The following SLC6A7 variants were observed in gnomAD, a reference collection of about 807,000 sequenced individuals.
SLC6A7 encodes sodium-dependent proline transporter.
In SLC6A7, 58 loss-of-function variants were observed where a neutral mutation model predicts 73.1. The ratio of observed to expected loss-of-function variants is 0.79; its 90% CI spans 0.64 to 0.99. SLC6A7 has a LOEUF of 0.99. Ranked by LOEUF, SLC6A7 falls within the 50% of genes least tolerant of loss-of-function variation. The probability of loss-of-function intolerance (pLI) is 0.00; values close to 1 mark genes in which losing one functional copy is unlikely to be tolerated. For synonymous variants in SLC6A7, 338 were observed against 338.7 expected, an observed-to-expected ratio of 1.00 and a Z score of 0.02; for missense variants, 783 against 831.4, an observed-to-expected ratio of 0.94 and a Z score of 0.72.
intron 4 of SLC6A7, among the ~76,000 whole-genome samples, chr5:150,198,803 C>T (rs75934479): frequency 0.037 from 5,022 of 137,330 alleles, 274 homozygotes; most frequent in African/African-American, 0.14. Context: ...CATGGCCAGG[C>T]CCTGGATGGT....
chr5:150,202,787 G>C (rs1176838735), intron 8 of SLC6A7, 84 bp downstream of exon 8: 11 of 1,494,640 alleles, frequency 7.4e-6, no homozygotes, highest in Non-Finnish European at 3.6e-6. Context: ...CAAGATTATG[G>C]ATGGGGGCCA....
chr5:150,209,490 G>T lies in SLC6A7; in HGVS notation c.1786G>T (p.Ala596Ser), dbSNP rs773689353. 1.2e-6 allele frequency: 2 copies of T among 1,614,062 alleles called. No individual in the cohort carries two copies. Among genetic ancestry groups the T allele is most frequent in the Admixed American group, 1.7e-5 (1 of 60,016 alleles). The change falls in exon 14 of 14, where the codon GCT becomes TCT. Residue 596 changes from alanine to serine, a missense_variant. Transcript: ENST00000230671. ...NRTGMYVATL[A>S]GSQSPKPLMV... ...GACGGGCATGTATGTGGCCACGCTG[G>T]CTGGGAGCCAGTCACCAAAGCCACT...
chr5:150,209,807 A>C lies in SLC6A7; in HGVS notation c.*192A>C. ...TGAAACCTCTGACAACCCCCTACAC[A>C]CACACACAGGCATACTCAGACCCAC... On this transcript the variant is annotated 3_prime_UTR_variant, in exon 14 of 14. Transcript: ENST00000230671. 1 of 609,206 alleles carries C rather than the reference A, an allele frequency of 1.6e-6. No homozygotes were observed. Among genetic ancestry groups the C allele is most frequent in the Non-Finnish European group, 3.0e-6 (1 of 337,886 alleles). The allele number at this position is 609,206 out of a possible 1,614,324, so 37.7% of individuals were successfully genotyped here.
chr5:150,192,360 G>A (rs1004293268), intron 1 of SLC6A7, among the ~76,000 whole-genome samples: 1 of 152,310 alleles, frequency 6.6e-6, no homozygotes, highest in African/African-American at 2.4e-5. Context: ...CCTGCTGTGA[G>A]TCCCTAAAGG....
At chr5:150,207,553 A>G (rs566761151) in intron 13 of SLC6A7, among the ~76,000 whole-genome samples, 4 of 152,278 alleles carry the variant, frequency 2.6e-5, no homozygotes, top group Admixed American at 6.5e-5. Context: ...AGTGATACCT[A>G]CTTTTAGGCC....
At chr5:150,208,146 T>C (rs1753791396) in intron 13 of SLC6A7, among the ~76,000 whole-genome samples, 1 of 151,934 alleles carries the variant, frequency 6.6e-6, no homozygotes, top group Admixed American at 6.6e-5. Context: ...GCTTGTATTT[T>C]ATTGTGGGGG....
Position 150,209,726 on chromosome 5 carries a change from T to A in SLC6A7, c.*111T>A, listed in dbSNP as rs1033707236. 3.5e-5 allele frequency: 31 copies of A among 894,172 alleles called. No individual in the cohort carries two copies. Among genetic ancestry groups the A allele is most frequent in the Non-Finnish European group, 5.3e-5 (30 of 568,012 alleles). The allele number at this position is 894,172 out of a possible 1,614,324, so 55.4% of individuals were successfully genotyped here. On this transcript the variant is annotated 3_prime_UTR_variant, in exon 14 of 14. Transcript: ENST00000230671. ...GATTCTGAGAGGCTATGGGGGGGCC[T>A]GCCATAGGGATGCCAGTCCCCCAGT...
chr5:150,202,596 C>G lies in SLC6A7; in HGVS notation c.980C>G (p.Thr327Ser), dbSNP rs1188910200. 1 of 1,614,140 alleles carries G rather than the reference C, an allele frequency of 6.2e-7. No individual in the cohort carries two copies. The highest frequency in any genetic ancestry group is 8.5e-7 in the Non-Finnish European group (1 of 1,180,046). ...QNIYRDTFIVTLGNAITSILA... is the reference protein window; with the variant it reads ...QNIYRDTFIVSLGNAITSILA... ...TCTGGTAGAGACACTTTCATCGTCA[C>G]TCTGGGCAACGCCATCACCAGCATC... The change falls in exon 8 of 14, where the codon ACT becomes AGT. Residue 327 changes from threonine to serine, a missense_variant. Coordinates refer to ENST00000230671, the MANE Select transcript of SLC6A7 (RefSeq NM_014228.5).
chr5:150,207,522 C>T (rs1165900669), intron 13 of SLC6A7, among the ~76,000 whole-genome samples: 1 of 152,164 alleles, frequency 6.6e-6, no homozygotes, highest in African/African-American at 2.4e-5. Context: ...GATTAAGTGT[C>T]TTTGTCTTTA....
At position 150,204,634 on chromosome 5, in the gene SLC6A7, G is replaced by A. The variant is rs17652561; in HGVS notation, c.1432+3G>A. On this transcript the variant is annotated splice_donor_region_variant and intron_variant, in intron 11 of 13. Transcript: ENST00000230671. Reference sequence around the variant, plus strand: ...CCTTGCCGTGACACGGGTGTATGGTGAGAAGAGCCGTGGGAAGTGGAGTCG... The same window carrying A: ...CCTTGCCGTGACACGGGTGTATGGTAAGAAGAGCCGTGGGAAGTGGAGTCG... 393,827 of 1,600,380 alleles carry A rather than the reference G, an allele frequency of 0.25. 52,356 individuals carry two copies. Among genetic ancestry groups the A allele is most frequent in the Admixed American group, 0.46 (27,401 of 59,996 alleles).
intron 13 of SLC6A7, 72 bp downstream of exon 13, chr5:150,205,695 C>G: frequency 7.4e-7 from 1 of 1,359,022 alleles, no homozygotes. Context: ...CCTGCTAGAA[C>G]AGAAAACATA....
At chr5:150,198,486 G>C (rs1753192214) in intron 4 of SLC6A7, among the ~76,000 whole-genome samples, 1 of 152,338 alleles carries the variant, frequency 6.6e-6, no homozygotes, top group Non-Finnish European at 1.5e-5. Flanking sequence ...ATCAGCCTGA[G>C]TTTGCAGCTT....
chr5:150,200,657 A>T lies in SLC6A7; in HGVS notation c.724-432A>T, dbSNP rs150756673. The stretch of plus-strand genomic sequence containing the variant: ...AAGACAGGGTAGAAACCATATAGAA[A>T]GAGAGAAGAGGTTATGGTCAAAGCC... On this transcript the variant is annotated intron_variant, in intron 5 of 13. Coordinates refer to ENST00000230671, the MANE Select transcript of SLC6A7 (RefSeq NM_014228.5). 1.7e-4 allele frequency among the ~76,000 whole-genome samples: 26 copies of T among 152,190 alleles called. No individual in the cohort carries two copies. The East Asian group carries it at 4.6e-3, about 27-fold the overall frequency.
rs145923003 is a variant in SLC6A7, at chr5:150,201,143, C to T, written c.778C>T (p.Arg260Cys). The change falls in exon 6 of 14, where the codon CGC (arginine) becomes TGC (cysteine). Residue 260 changes from arginine (R) to cysteine (C), a missense_variant. By Grantham distance (180) the Arg-to-Cys change is radical (BLOSUM62 -3). Coordinates refer to ENST00000230671, the MANE Select transcript of SLC6A7 (RefSeq NM_014228.5). ...CCTCATCCTGCTCATGCTGCTGGTC[C>T]GCGGAGTCACCCTCCCAGGGGCCTG... Reference protein sequence around the residue: ...PYLILLMLLVRGVTLPGAWKG... With the variant: ...PYLILLMLLVCGVTLPGAWKG... 26 of 1,613,572 alleles carry T rather than the reference C, an allele frequency of 1.6e-5. 1 individual carries two copies. Among genetic ancestry groups the T allele is most frequent in the Middle Eastern group, 1.6e-4 (1 of 6,076 alleles).
intron 6 of SLC6A7, 54 bp downstream of exon 6, chr5:150,201,277 T>A: frequency 6.8e-7 from 1 of 1,476,980 alleles, no homozygotes. Flanking sequence ...AGCTGGAGAG[T>A]GGAAAGAGGG....
At chr5:150,200,981 C>A in intron 5 of SLC6A7, 108 bp from the exon 6 acceptor site, 4 of 1,198,210 alleles carry the variant, frequency 3.3e-6, no homozygotes, top group Non-Finnish European at 2.4e-6. Context: ...CGGTTCCTGG[C>A]TTGGGCTACC....
At position 150,209,694 on chromosome 5, in the gene SLC6A7, C is replaced by T. The variant is rs1193828967; in HGVS notation, c.*79C>T. ...AGAAGCCTGCAAAGGTCAGCTGTGCCCTCTGGGATTCTGAGAGGCTATGGG... is the reference window on the plus strand; with the variant it reads ...AGAAGCCTGCAAAGGTCAGCTGTGCTCTCTGGGATTCTGAGAGGCTATGGG... On this transcript the variant is annotated 3_prime_UTR_variant, in exon 14 of 14. Transcript: ENST00000230671. 2.8e-5 allele frequency: 33 copies of T among 1,198,240 alleles called. No homozygotes were observed. Among genetic ancestry groups the T allele is most frequent in the Admixed American group, 4.0e-5 (2 of 49,536 alleles). 74.2% of individuals were successfully genotyped at this position (1,198,240 alleles called of 1,614,324 possible).
chr5:150,195,829 T>G (rs1220638294), intron 2 of SLC6A7, among the ~76,000 whole-genome samples: 2 of 152,212 alleles, frequency 1.3e-5, no homozygotes, highest in Non-Finnish European at 2.9e-5. Context: ...TCTAGGACCT[T>G]GATGACACCC....
rs1222935191 is a variant in SLC6A7, at chr5:150,205,448, C to A, written c.1534-8C>A. The A allele has an allele frequency of 6.3e-7, 1 of 1,580,492 alleles. No homozygotes were observed. Among genetic ancestry groups the A allele is most frequent in the South Asian group, 1.2e-5 (1 of 85,864 alleles). On this transcript the variant is annotated splice_polypyrimidine_tract_variant and splice_region_variant and intron_variant, in intron 12 of 13. Transcript: ENST00000230671. ...CCCGCAGTGATGCTGGGAGTCCCCA[C>A]TCTGCAGGCCCTCATGGTGTATAGC...
Sources: gnomAD v4.1 joint callset for allele counts (sites outside exome capture counted in the v4.1 genomes callset) on GRCh38, gnomAD v4.1.1 for gene constraint, MANE v1.5 for transcripts, NCBI Gene and HGNC (gene_info 2026-07-23, HGNC 2026-07-21) for gene names.